NTM: variants seen among roughly 807,000 people sequenced by gnomAD.
NTM encodes neurotrimin, also known as IgLON family member 2.
In NTM, 13 loss-of-function variants were observed where a neutral mutation model predicts 42.1. The observed-to-expected ratio is 0.31, with a 90% CI of 0.20 to 0.49. The LOEUF is 0.49. NTM is among the 20% of genes least tolerant of loss of function. The pLI, the probability that NTM is intolerant of heterozygous loss-of-function variation, is 0.99. For synonymous variants in NTM, 187 were observed against 179.2 expected, an observed-to-expected ratio of 1.04 and a Z score of -0.35; for missense variants, 373 against 452.8, an observed-to-expected ratio of 0.82 and a Z score of 1.60.
chr11:131,391,893 T>C (rs1204690209), intron 1 of NTM, among the ~76,000 whole-genome samples: 1 of 151,970 alleles, frequency 6.6e-6, no homozygotes, highest in African/African-American at 2.4e-5. Context: ...GAAGGCTGTA[T>C]TAAGGGAGAG....
chr11:131,481,903 C>T (rs1471009807), intron 1 of NTM, among the ~76,000 whole-genome samples: 1 of 152,224 alleles, frequency 6.6e-6, no homozygotes, highest in Non-Finnish European at 1.5e-5. Flanking sequence ...TAAGTTCCCA[C>T]TAGTCCTCCT....
At chr11:131,663,021 C>T (rs184314865) in intron 1 of NTM, 1 of 152,254 alleles carries the variant, frequency 6.6e-6, no homozygotes, top group East Asian at 1.9e-4. Flanking sequence ...TTTGCACCTA[C>T]CTAATAAACA....
chr11:131,884,724 G>T (rs976363266), intron 1 of NTM, among the ~76,000 whole-genome samples: 8 of 152,162 alleles, frequency 5.3e-5, no homozygotes, highest in East Asian at 1.9e-4. Flanking sequence ...GAAGAGGCTC[G>T]CCATCCTATC....
At chr11:131,814,778 C>T (rs1440688235) in intron 1 of NTM, among the ~76,000 whole-genome samples, 6 of 152,190 alleles carry the variant, frequency 3.9e-5, no homozygotes, top group African/African-American at 1.4e-4. Flanking sequence ...TCTGCAGCTG[C>T]TTTTCATTCG....
rs560644703 is a variant in NTM, at chr11:131,985,532, C to T, written c.167+73884C>T. Among the ~76,000 whole-genome samples, 3 of 152,296 alleles carry T rather than the reference C, an allele frequency of 2.0e-5. No homozygotes were observed. In the East Asian group the frequency reaches 5.8e-4, roughly 30 times the overall value. The stretch of plus-strand genomic sequence containing the variant: ...GGCAACCACGGGTGTCAGGCTTGGC[C>T]TCAGGCGGCATCCGGGAATGGTGCA... On this transcript the variant is annotated intron_variant, in intron 2 of 8. Transcript: ENST00000683400.
At chr11:131,985,071 C>G (rs1666138634) in intron 2 of NTM, among the ~76,000 whole-genome samples, 1 of 151,976 alleles carries the variant, frequency 6.6e-6, no homozygotes, top group South Asian at 2.1e-4. Flanking sequence ...TCTCTCATTC[C>G]CTCCCCCTTC....
chr11:131,654,127 G>A (rs1266987142), intron 1 of NTM, among the ~76,000 whole-genome samples: 1 of 152,212 alleles, frequency 6.6e-6, no homozygotes, highest in Non-Finnish European at 1.5e-5. Context: ...TCCTCAGGAG[G>A]AGGTTTGGTG....
chr11:131,911,424 G>A (rs773950945), intron 1 of NTM, 140 bp from the exon 2 acceptor site: 12 of 1,608,080 alleles, frequency 7.5e-6, no homozygotes, highest in Admixed American at 1.7e-5. Context: ...TCCTGTGCTC[G>A]CCCGGGGGGC....
chr11:131,911,698 G>GT (rs1306255667), intron 2 of NTM, 50 bp downstream of exon 2: 1 of 1,608,790 alleles, frequency 6.2e-7, no homozygotes, highest in East Asian at 2.2e-5. Flanking sequence ...TGGGGTCGGG[G>GT]TAAGGGGCAG....
chr11:131,789,636 A>AGGGG (rs1555127949), intron 1 of NTM, among the ~76,000 whole-genome samples: 1 of 30,900 alleles, frequency 3.2e-5, no homozygotes, highest in Admixed American at 2.7e-4. Flanking sequence ...AAGAAGAAGA[A>AGGGG]AAGAAGAAGA....
At chr11:132,275,988 C>G (rs1415561567) in intron 4 of NTM, among the ~76,000 whole-genome samples, 1 of 151,848 alleles carries the variant, frequency 6.6e-6, no homozygotes, top group Non-Finnish European at 1.5e-5. Flanking sequence ...CCCATCCTCG[C>G]CTCCTGCTTC....
At chr11:132,071,134 G>A (rs1269771324) in intron 2 of NTM, among the ~76,000 whole-genome samples, 1 of 142,266 alleles carries the variant, frequency 7.0e-6, no homozygotes, top group Middle Eastern at 3.6e-3. Context: ...TAGTTAACAC[G>A]TCACACAGTC....
At chr11:131,803,605 C>T (rs758247492) in intron 1 of NTM, among the ~76,000 whole-genome samples, 7 of 152,204 alleles carry the variant, frequency 4.6e-5, no homozygotes, top group Non-Finnish European at 7.4e-5. Context: ...CCACTGCGCC[C>T]GGCCATCACT....
intron 1 of NTM, among the ~76,000 whole-genome samples, chr11:131,646,345 G>A (rs954679825): frequency 5.9e-5 from 9 of 151,986 alleles, no homozygotes; most frequent in East Asian, 5.8e-4. Flanking sequence ...TTTTTGATGC[G>A]TATAAAGAAA....
intron 4 of NTM, among the ~76,000 whole-genome samples, chr11:132,281,379 T>C (rs2093965308): frequency 6.6e-6 from 1 of 152,244 alleles, no homozygotes; most frequent in Admixed American, 6.5e-5. Flanking sequence ...TAATCAATTC[T>C]GTGCCCACAA....
At position 132,258,307 on chromosome 11, in the gene NTM, A is replaced by C. The variant is rs555285509; in HGVS notation, c.526+46160A>C. Among the ~76,000 whole-genome samples, 111 of 152,168 alleles carry C rather than the reference A, an allele frequency of 7.3e-4. 3 individuals carry two copies. In the South Asian group the frequency reaches 0.022, roughly 31 times the overall value. ...TGTCTATCCATCAGTTGGTTATTAGACTGTGTTATTGTGCATTTGCCTCAA... is the reference window on the plus strand; with the variant it reads ...TGTCTATCCATCAGTTGGTTATTAGCCTGTGTTATTGTGCATTTGCCTCAA... On this transcript the variant is annotated intron_variant, in intron 4 of 8. Transcript: ENST00000683400.
chr11:132,254,864 T>C (rs1183049563), intron 4 of NTM, among the ~76,000 whole-genome samples: 1 of 152,194 alleles, frequency 6.6e-6, no homozygotes, highest in Non-Finnish European at 1.5e-5. Context: ...GAATTTCTTC[T>C]TGTGGGGGCT....
chr11:131,455,588 T>C (rs756209207), intron 1 of NTM: 4 of 152,258 alleles, frequency 2.6e-5, no homozygotes, highest in Non-Finnish European at 5.9e-5. Context: ...GGTTTAGCAG[T>C]GGCGTTCAAA....
rs117765396 is a variant in NTM, at chr11:131,412,010, C to T, written c.82+41122C>T. Among the ~76,000 whole-genome samples, 6 of 152,310 alleles carry T rather than the reference C, an allele frequency of 3.9e-5. No homozygotes were observed. In the South Asian group the frequency reaches 8.3e-4, roughly 21 times the overall value. ...CCTGGGATTCCTGGACCCAGACCTA[C>T]GTGGACCCTTGTCTTGCAGACTGAG... On this transcript the variant is annotated intron_variant, in intron 1 of 8. Coordinates refer to ENST00000683400, the MANE Select transcript of NTM (RefSeq NM_001352005.2).
Sources: gnomAD v4.1 joint callset for allele counts (sites outside exome capture counted in the v4.1 genomes callset) on GRCh38, gnomAD v4.1.1 for gene constraint, MANE v1.5 for transcripts, NCBI Gene and HGNC (gene_info 2026-07-23, HGNC 2026-07-21) for gene names.